The following CDH11 variants were observed in gnomAD, a reference collection of about 807,000 sequenced individuals.
CDH11 encodes cadherin-11.
In CDH11, 11 loss-of-function variants were observed where a neutral mutation model predicts 67.8. The observed-to-expected ratio is 0.16, with a 90% confidence interval of 0.10 to 0.27. The LOEUF (loss-of-function observed/expected upper bound fraction) is 0.27, where lower values mean the gene tolerates loss of function less well. Ranked by LOEUF, CDH11 falls within the 10% of genes least tolerant of loss-of-function variation. The pLI is 1.00. For synonymous variants in CDH11, 419 were observed against 400.0 expected, an observed-to-expected ratio of 1.05 and a Z score of -0.57; for missense variants, 847 against 1,031.2, an observed-to-expected ratio of 0.82 and a Z score of 2.45.
At chr16:65,049,314 A>C (rs34553411) in intron 2 of CDH11, among the ~76,000 whole-genome samples, 56,932 of 152,000 alleles carry the variant, frequency 0.37, 11,125 homozygotes, top group Middle Eastern at 0.46. Flanking sequence ...TCAAGGTACA[A>C]AAGAATTGGA....
intron 2 of CDH11, among the ~76,000 whole-genome samples, chr16:65,020,052 C>A (rs1232503810): frequency 3.9e-5 from 6 of 152,148 alleles, no homozygotes; most frequent in Non-Finnish European, 5.9e-5. Flanking sequence ...TGGTAAAAAA[C>A]CTGGTAAGTT....
chr16:65,096,248 T>C (rs1462210633), intron 1 of CDH11, among the ~76,000 whole-genome samples: 5 of 152,144 alleles, frequency 3.3e-5, no homozygotes, highest in Non-Finnish European at 7.4e-5. Context: ...CAGAATCTGC[T>C]AGCGCCTTGA....
At chr16:64,973,387 T>C (rs966546526) in intron 8 of CDH11, among the ~76,000 whole-genome samples, 2 of 152,244 alleles carry the variant, frequency 1.3e-5, no homozygotes, top group African/African-American at 4.8e-5. Flanking sequence ...GCTCCCAAAC[T>C]ACTCAGAAAG....
chr16:65,087,540 A>G (rs1390613188), intron 1 of CDH11, among the ~76,000 whole-genome samples: 1 of 152,232 alleles, frequency 6.6e-6, no homozygotes, highest in Non-Finnish European at 1.5e-5. Context: ...GTTGATAAAA[A>G]TAATGGAAAT....
chr16:65,123,618 C>G (rs549977212), upstream of CDH11: 2 of 152,238 alleles, frequency 1.3e-5, no homozygotes, highest in South Asian at 2.1e-4. Flanking sequence ...GGTTTCCACA[C>G]GGCTTGGGGA....
chr16:65,108,961 A>C (rs2075112353), intron 1 of CDH11, among the ~76,000 whole-genome samples: 1 of 152,138 alleles, frequency 6.6e-6, no homozygotes. Context: ...AGCCTGGCCA[A>C]CATGGTAAAA....
chr16:65,014,566 G>A (rs750482188), intron 2 of CDH11, among the ~76,000 whole-genome samples: 11 of 152,108 alleles, frequency 7.2e-5, no homozygotes, highest in African/African-American at 2.7e-4. Flanking sequence ...ACAGGCATAG[G>A]GGATTCTTAA....
chr16:64,981,987 T>A, intron 8 of CDH11, 61 bp downstream of exon 8: 1 of 1,494,840 alleles, frequency 6.7e-7, no homozygotes. Context: ...TACAGGGCTT[T>A]CCCAGAACCT....
At chr16:65,112,245 T>C (rs1399444824) in intron 1 of CDH11, among the ~76,000 whole-genome samples, 1 of 152,004 alleles carries the variant, frequency 6.6e-6, no homozygotes, top group Non-Finnish European at 1.5e-5. Flanking sequence ...CATAAGTAGG[T>C]AATGAGTTAC....
At chr16:64,973,558 C>T (rs949842271) in intron 8 of CDH11, among the ~76,000 whole-genome samples, 1 of 152,170 alleles carries the variant, frequency 6.6e-6, no homozygotes, top group African/African-American at 2.4e-5. Flanking sequence ...GTAATCCCAG[C>T]ACTTTGGGAG....
intron 11 of CDH11, among the ~76,000 whole-genome samples, chr16:64,955,739 T>C (rs2071490314): frequency 6.6e-6 from 1 of 152,106 alleles, no homozygotes; most frequent in South Asian, 2.1e-4. Context: ...AATGAGACCC[T>C]GTCTCTAAAA....
intron 2 of CDH11, among the ~76,000 whole-genome samples, chr16:65,021,039 A>C (rs257338): frequency 6.6e-6 from 1 of 151,938 alleles, no homozygotes; most frequent in Non-Finnish European, 1.5e-5. Flanking sequence ...TCCCCCATTG[A>C]AGTCTTACCC....
intron 2 of CDH11, among the ~76,000 whole-genome samples, chr16:65,006,425 G>T (rs3760056): frequency 0.3 from 45,671 of 151,992 alleles, 7,459 homozygotes; most frequent in South Asian, 0.5. Flanking sequence ...CATAGTGGAA[G>T]GTACATAGAC....
At chr16:65,064,847 G>A (rs539576252) in intron 1 of CDH11, among the ~76,000 whole-genome samples, 2 of 152,292 alleles carry the variant, frequency 1.3e-5, no homozygotes, top group African/African-American at 4.8e-5. Flanking sequence ...CAATGTGATT[G>A]TATCCAGATA....
At chr16:65,102,474 C>A (rs2075008003) in intron 1 of CDH11, among the ~76,000 whole-genome samples, 1 of 152,228 alleles carries the variant, frequency 6.6e-6, no homozygotes, top group African/African-American at 2.4e-5. Context: ...AATAAATCAC[C>A]CTTCCTTTAC....
In CDH11 at chr16:64,950,402, A is replaced by G; in HGVS notation, c.1894+365T>C. ...CTCTTGTGGGACAAAACCATTGCTA[A>G]TACACCATGTTTCTGCCCAAATTCC... On this transcript the variant is annotated intron_variant, in intron 12 of 12. Coordinates refer to ENST00000268603, the MANE Select transcript of CDH11 (RefSeq NM_001797.4). 1.3e-5 allele frequency among the ~76,000 whole-genome samples: 2 copies of G among 151,998 alleles called. 1 individual carries two copies.
chr16:65,093,453 C>T (rs1334345438), intron 1 of CDH11, among the ~76,000 whole-genome samples: 1 of 151,988 alleles, frequency 6.6e-6, no homozygotes, highest in East Asian at 1.9e-4. Context: ...GCCTAATAAA[C>T]TTGGAATAGT....
At chr16:64,965,099 C>G (rs1199612949) in intron 11 of CDH11, among the ~76,000 whole-genome samples, 1 of 146,514 alleles carries the variant, frequency 6.8e-6, no homozygotes, top group Non-Finnish European at 1.5e-5. Flanking sequence ...TGGCTCACGT[C>G]TGAAATCCTA....
chr16:64,961,092 A>T (rs544105323), intron 11 of CDH11, among the ~76,000 whole-genome samples: 2 of 152,174 alleles, frequency 1.3e-5, no homozygotes, highest in African/African-American at 4.8e-5. Context: ...CCTGGCACTC[A>T]TTTTTTCATC....
Sources: allele counts gnomAD v4.1 joint callset (sites outside exome capture counted in the v4.1 genomes callset), GRCh38; gene constraint gnomAD v4.1.1; transcripts MANE v1.5; gene names NCBI Gene and HGNC (gene_info 2026-07-23, HGNC 2026-07-21).